ZBTB44: variants seen among roughly 807,000 people sequenced by gnomAD.
ZBTB44 encodes zinc finger and BTB domain-containing protein 44.
In ZBTB44, 15 loss-of-function variants were observed where a neutral mutation model predicts 54.0. The ratio of observed to expected loss-of-function variants is 0.28; its 90% CI spans 0.19 to 0.43. ZBTB44 has a LOEUF of 0.43. ZBTB44 is among the 20% of genes least tolerant of loss of function. The pLI, the probability that ZBTB44 is intolerant of heterozygous loss-of-function variation, is 1.00. For missense variants in ZBTB44, 487 were observed against 707.1 expected, an observed-to-expected ratio of 0.69 and a Z score of 3.53; for synonymous variants, 230 against 250.1, an observed-to-expected ratio of 0.92 and a Z score of 0.76.
At chr11:130,308,318 T>C (rs769717009) in intron 1 of ZBTB44, among the ~76,000 whole-genome samples, 1 of 152,238 alleles carries the variant, frequency 6.6e-6, no homozygotes, top group Non-Finnish European at 1.5e-5. Context: ...GCATCAGTCA[T>C]GTAGTTCCGT....
intron 1 of ZBTB44, among the ~76,000 whole-genome samples, chr11:130,298,322 C>T (rs1423292254): frequency 1.3e-5 from 2 of 151,752 alleles, no homozygotes; most frequent in Non-Finnish European, 2.9e-5. Flanking sequence ...TTTGTATTTT[C>T]TTGTAGAGAC....
At chr11:130,240,357 A>C (rs1392168310) in intron 2 of ZBTB44, among the ~76,000 whole-genome samples, 1 of 152,004 alleles carries the variant, frequency 6.6e-6, no homozygotes, top group Non-Finnish European at 1.5e-5. Context: ...ATATTTTTAA[A>C]TGTTTGTGAT....
intron 2 of ZBTB44, among the ~76,000 whole-genome samples, chr11:130,247,822 T>C (rs1201418891): frequency 6.6e-6 from 1 of 152,250 alleles, no homozygotes; most frequent in African/African-American, 2.4e-5. Flanking sequence ...TACAGTGGTT[T>C]GCCTAGGAGT....
chr11:130,305,915 C>T (rs1291681174), intron 1 of ZBTB44, among the ~76,000 whole-genome samples: 1 of 151,718 alleles, frequency 6.6e-6, no homozygotes, highest in East Asian at 1.9e-4. Flanking sequence ...AACGAACAAA[C>T]AAAAACCACC....
At chr11:130,304,990 G>C (rs551804462) in intron 1 of ZBTB44, among the ~76,000 whole-genome samples, 17 of 151,976 alleles carry the variant, frequency 1.1e-4, no homozygotes, top group Non-Finnish European at 2.2e-4. Context: ...AATCAAGAAC[G>C]CAATCCCTTT....
chr11:130,274,515 A>G (rs1406510902), intron 1 of ZBTB44, among the ~76,000 whole-genome samples: 2 of 152,178 alleles, frequency 1.3e-5, no homozygotes, highest in Non-Finnish European at 2.9e-5. Flanking sequence ...GCCCCTTTTC[A>G]GGTTAAGGAA....
intron 2 of ZBTB44, among the ~76,000 whole-genome samples, chr11:130,254,243 T>C (rs9666099): frequency 0.063 from 9,510 of 152,052 alleles, 740 homozygotes; most frequent in African/African-American, 0.18. Flanking sequence ...TAAAGAGCTT[T>C]TGCATAGCAA....
In ZBTB44 at chr11:130,261,357, T is replaced by G. The variant is rs776781461; in HGVS notation, c.517A>C (p.Thr173Pro). 6 of 1,613,982 alleles carry G rather than the reference T, an allele frequency of 3.7e-6. No individual in the cohort carries two copies. The highest frequency in any genetic ancestry group is 4.2e-6 in the Non-Finnish European group (5 of 1,179,888). ...CGGGATTCTCGGCAGACAGGAATGG[T>G]TCTTTCTACCACACTGCACTCTGAG... ...VSSECSVVER[T>P]IPVCRESRRK... Residue 173 changes from threonine (T) to proline (P), a missense_variant, in exon 2 of 8, where the codon ACC (threonine) becomes CCC (proline). Thr to Pro is a conservative substitution (Grantham distance 38). This residue lies in a region of ZBTB44 where 277 missense variants were observed against 306.5 expected (regional missense o/e 0.90). Transcript: ENST00000357899. This position sits in a 1 kb window ranked among gnomAD's most constrained non-coding sequence, Gnocchi z 4.8.
At chr11:130,246,993 A>G (rs187026404) in intron 2 of ZBTB44, among the ~76,000 whole-genome samples, 143 of 152,310 alleles carry the variant, frequency 9.4e-4, no homozygotes, top group African/African-American at 3.2e-3. Flanking sequence ...ATTCCTAGAT[A>G]GTATTTATTA....
At chr11:130,313,592 G>C (rs921939511) in intron 1 of ZBTB44, among the ~76,000 whole-genome samples, 1 of 152,176 alleles carries the variant, frequency 6.6e-6, no homozygotes, top group African/African-American at 2.4e-5. Flanking sequence ...TCCGGTATCA[G>C]CCGATCTCCA....
chr11:130,303,208 G>A lies in ZBTB44; in HGVS notation c.-57+11167C>T, dbSNP rs572895382. 2.0e-3 allele frequency among the ~76,000 whole-genome samples: 305 copies of A among 152,210 alleles called. 1 individual carries two copies. Among genetic ancestry groups the A allele is most frequent in the African/African-American group, 7.1e-3 (295 of 41,538 alleles). ...TCTAAAGTTGTTTCAGAAGCTAGAG[G>A]GTAGTAGTTCCACAAAAACTAGATT... is the stretch of plus-strand genomic sequence containing the variant. On this transcript the variant is annotated intron_variant, in intron 1 of 7. Transcript: ENST00000357899.
chr11:130,269,772 C>G (rs191015387), intron 1 of ZBTB44, among the ~76,000 whole-genome samples: 1 of 152,268 alleles, frequency 6.6e-6, no homozygotes, highest in African/African-American at 2.4e-5. Flanking sequence ...TTGTTCACCT[C>G]TCTAATGATG....
At chr11:130,240,041 A>ATTTT (rs11449622) in intron 2 of ZBTB44, 145 bp from the exon 3 acceptor site, 236 of 321,502 alleles carry the variant, frequency 7.3e-4, no homozygotes, top group South Asian at 1.2e-3. Flanking sequence ...AGTGTTCTAC[A>ATTTT]TTTTTTTTTT....
intron 1 of ZBTB44, among the ~76,000 whole-genome samples, chr11:130,276,341 TG>T (rs1245601424): frequency 1.3e-5 from 2 of 151,942 alleles, no homozygotes; most frequent in Non-Finnish European, 2.9e-5. Context: ...ACTCTATTGT[TG>T]CTGGGTGAAG....
At chr11:130,255,357 T>C (rs920435212) in intron 2 of ZBTB44, among the ~76,000 whole-genome samples, 1 of 152,088 alleles carries the variant, frequency 6.6e-6, no homozygotes, top group Non-Finnish European at 1.5e-5. Context: ...CTGAAACCAA[T>C]GAGAACAAAG....
At chr11:130,305,503 G>A (rs1217887605) in intron 1 of ZBTB44, among the ~76,000 whole-genome samples, 1 of 152,166 alleles carries the variant, frequency 6.6e-6, no homozygotes, top group East Asian at 1.9e-4. Context: ...ACATAAAGTG[G>A]AGAAAGGACA....
chr11:130,298,799 T>C (rs1048456777), intron 1 of ZBTB44, among the ~76,000 whole-genome samples: 7 of 149,484 alleles, frequency 4.7e-5, no homozygotes, highest in East Asian at 2.0e-4. Context: ...TCTGCAATTA[T>C]AGAACTGAAC....
intron 5 of ZBTB44, among the ~76,000 whole-genome samples, chr11:130,235,744 A>C (rs141366872): frequency 0.014 from 2,154 of 152,292 alleles, 20 homozygotes; most frequent in Middle Eastern, 0.034. Context: ...TCACGCCTGT[A>C]ATCCCACAGC....
At chr11:130,274,290 G>A (rs918678868) in intron 1 of ZBTB44, among the ~76,000 whole-genome samples, 1 of 152,144 alleles carries the variant, frequency 6.6e-6, no homozygotes, top group African/African-American at 2.4e-5. Context: ...GATGCTCAAC[G>A]TGTATAAGAT....
Sources: gnomAD v4.1 joint callset for allele counts (sites outside exome capture counted in the v4.1 genomes callset) on GRCh38, gnomAD v4.1.1 for gene constraint, gnomAD v4.1.1 regional missense constraint, Gnocchi (gnomAD v3.1) non-coding constraint, MANE v1.5 for transcripts, NCBI Gene and HGNC (gene_info 2026-07-23, HGNC 2026-07-21) for gene names.